The following RGS22 variants were observed in gnomAD, a reference collection of about 807,000 sequenced individuals.
RGS22 encodes regulator of G protein signaling 22.
RGS22 carries 148 observed loss-of-function variants against 172.9 expected under a neutral mutation model. The ratio of observed to expected loss-of-function variants is 0.86; its 90% CI spans 0.75 to 0.98. RGS22 has a LOEUF of 0.98. Ranked by LOEUF, RGS22 falls within the 50% of genes least tolerant of loss-of-function variation. RGS22 has a pLI of 0.00. For missense variants in RGS22, 1,347 were observed against 1,440.8 expected, an observed-to-expected ratio of 0.93 and a Z score of 1.05; for synonymous variants, 458 against 480.2, an observed-to-expected ratio of 0.95 and a Z score of 0.60.
At chr8:100,052,273 A>G (rs1191551491) in intron 10 of RGS22, among the ~76,000 whole-genome samples, 2 of 140,554 alleles carry the variant, frequency 1.4e-5, no homozygotes, top group African/African-American at 5.2e-5. Context: ...AAATGTATAT[A>G]TATATTTATA....
At chr8:99,962,547 C>T in intron 26 of RGS22, 104 bp from the exon 27 acceptor site, 1 of 1,444,674 alleles carries the variant, frequency 6.9e-7, no homozygotes, top group Non-Finnish European at 9.6e-7. Context: ...CGGAGAAATT[C>T]TCCTAAGTTG....
Position 99,968,551 on chromosome 8 carries a change from G to A in RGS22, c.3520-3121C>T, listed in dbSNP as rs539251945. Among the ~76,000 whole-genome samples, 5 of 152,116 alleles carry A rather than the reference G, an allele frequency of 3.3e-5. No homozygotes were observed. In the East Asian group the frequency reaches 9.7e-4, roughly 30 times the overall value. ...AGAAGAACATGAATGACCTAATGGA[G>A]CTGAAAAACACAGCACAAGAACTTC... On this transcript the variant is annotated intron_variant, in intron 23 of 27. Transcript: ENST00000360863.
intron 18 of RGS22, among the ~76,000 whole-genome samples, chr8:100,001,202 T>TTATA (rs140189906): frequency 0.5 from 61,969 of 124,762 alleles, 15,593 homozygotes; most frequent in Admixed American, 0.58. Context: ...TCCCAATTTT[T>TTATA]TATATATATA....
At chr8:99,967,702 G>A (rs913203414) in intron 23 of RGS22, among the ~76,000 whole-genome samples, 1 of 152,182 alleles carries the variant, frequency 6.6e-6, no homozygotes, top group South Asian at 2.1e-4. Flanking sequence ...ACTGGGCAGG[G>A]CATCTCTGAA....
chr8:99,984,096 C>T (rs1456858378), intron 21 of RGS22, among the ~76,000 whole-genome samples: 2 of 152,170 alleles, frequency 1.3e-5, no homozygotes, highest in Non-Finnish European at 1.5e-5. Context: ...CCATCCTGGG[C>T]AACATGGTGA....
In RGS22 at chr8:100,008,555, T is replaced by C; in HGVS notation, c.2181A>G (p.Thr727=). 1 of 1,608,592 alleles carries C rather than the reference T, an allele frequency of 6.2e-7. No homozygotes were observed. The highest frequency in any genetic ancestry group is 8.5e-7 in the Non-Finnish European group (1 of 1,178,540). ...VCKQAQYLFA[T]YVAPSATLDI... ...CAAGAGTGGCAGAAGGAGCAACGTA[T>C]GTGGCAAAAAGATACTGAAGGAGAA... Residue 727 remains threonine (T), a synonymous_variant, in exon 15 of 28, where the codon ACA becomes ACG. Transcript: ENST00000360863.
At position 100,052,214 on chromosome 8, in the gene RGS22, A is replaced by AACATAT. The variant is rs1563673418; in HGVS notation, c.1689+587_1689+588insATATGT. Among the ~76,000 whole-genome samples, 23 of 130,570 alleles carry AACATAT rather than the reference A, an allele frequency of 1.8e-4. 1 individual carries two copies. The highest frequency in any genetic ancestry group is 5.2e-4 in the African/African-American group (17 of 32,396). The allele number at this position is 130,570 out of a possible 152,430, so 85.7% of individuals were successfully genotyped here. A position where few individuals can be genotyped will look rare whatever the true frequency, so the allele number is the denominator to read the frequency against. ...ATATATAAATATATAAACATATATA[A>AACATAT]ATATACACATATATATGTATATTTA... On this transcript the variant is annotated intron_variant, in intron 10 of 27. Transcript: ENST00000360863.
intron 14 of RGS22, among the ~76,000 whole-genome samples, chr8:100,026,952 G>A (rs193014873): frequency 7.2e-5 from 11 of 152,164 alleles, no homozygotes; most frequent in Admixed American, 4.6e-4. Context: ...TTACCTGGTC[G>A]GGCATGGTGG....
chr8:100,091,702 T>C (rs1274276432), intron 3 of RGS22, among the ~76,000 whole-genome samples: 1 of 152,198 alleles, frequency 6.6e-6, no homozygotes, highest in East Asian at 1.9e-4. Context: ...TAGATCTATA[T>C]AGAGATTTTT....
At chr8:100,008,593 GAGA>G (rs764071218) in intron 14 of RGS22, 24 bp from the exon 15 acceptor site, 13 of 1,577,540 alleles carry the variant, frequency 8.2e-6, no homozygotes, top group South Asian at 2.3e-5. Context: ...GGGAAGAAGG[GAGA>G]AGATGTTAAG....
At chr8:100,053,828 G>A (rs1040678915) in intron 9 of RGS22, among the ~76,000 whole-genome samples, 41 of 151,982 alleles carry the variant, frequency 2.7e-4, no homozygotes, top group Non-Finnish European at 2.8e-4. Context: ...GTAGAGACAG[G>A]TTTCACCATG....
chr8:100,020,183 C>A (rs771142349), intron 14 of RGS22, among the ~76,000 whole-genome samples: 2 of 152,126 alleles, frequency 1.3e-5, no homozygotes, highest in Non-Finnish European at 2.9e-5. Context: ...CACGCCCGGC[C>A]GCAATTTTCT....
chr8:100,053,914 G>A (rs994061147), intron 9 of RGS22, among the ~76,000 whole-genome samples: 3 of 152,160 alleles, frequency 2.0e-5, no homozygotes, highest in East Asian at 1.9e-4. Flanking sequence ...GATTACAGGC[G>A]TGAGCCACTG....
Position 99,962,014 on chromosome 8 carries a change from T to A in RGS22, c.*45+380A>T, listed in dbSNP as rs56190978. 2.9e-3 allele frequency among the ~76,000 whole-genome samples: 448 copies of A among 152,236 alleles called. 4 individuals are homozygous for A. The highest frequency in any genetic ancestry group is 0.01 in the African/African-American group (431 of 41,552). On this transcript the variant is annotated intron_variant, in intron 27 of 27. Coordinates refer to ENST00000360863, the MANE Select transcript of RGS22 (RefSeq NM_015668.5). ...TCTAACACTAGTATCCAATCAAAAC[T>A]GTATAATCACCTCAGAATCTGTGTG...
At chr8:100,050,869 CAGGCACTGTTCT>C (rs1460881540) in intron 10 of RGS22, 1 of 152,156 alleles carries the variant, frequency 6.6e-6, no homozygotes, top group African/African-American at 2.4e-5. Flanking sequence ...TATTATGTGC[CAGGCACTGTTCT>C]AGGCACTGGT....
chr8:99,985,372 G>C (rs1427014304), intron 21 of RGS22, among the ~76,000 whole-genome samples: 2 of 152,158 alleles, frequency 1.3e-5, no homozygotes, highest in African/African-American at 4.8e-5. Flanking sequence ...TATCAAAGTG[G>C]AATAAATGCC....
At chr8:100,098,631 G>T (rs1365321142) in intron 2 of RGS22, among the ~76,000 whole-genome samples, 1 of 152,064 alleles carries the variant, frequency 6.6e-6, no homozygotes, top group African/African-American at 2.4e-5. Context: ...TATCATCACA[G>T]ATTACATCAG....
chr8:100,059,401 C>T (rs972871092), intron 9 of RGS22, among the ~76,000 whole-genome samples: 1 of 151,612 alleles, frequency 6.6e-6, no homozygotes, highest in Non-Finnish European at 1.5e-5. Flanking sequence ...CACACTTCAC[C>T]TACAAAGACA....
chr8:100,074,389 C>T (rs1274728337), intron 4 of RGS22, among the ~76,000 whole-genome samples: 1 of 152,192 alleles, frequency 6.6e-6, no homozygotes, highest in Non-Finnish European at 1.5e-5. Context: ...CAGAATAGTT[C>T]CAACACCCTC....
Sources: gnomAD v4.1 joint callset for allele counts (sites outside exome capture counted in the v4.1 genomes callset) on GRCh38, gnomAD v4.1.1 for gene constraint, MANE v1.5 for transcripts, NCBI Gene and HGNC (gene_info 2026-07-23, HGNC 2026-07-21) for gene names.